The following PLCL1 variants were observed in gnomAD, a reference collection of about 807,000 sequenced individuals.
PLCL1 encodes the protein inactive phospholipase C-like protein 1.
A neutral mutation model predicts 84.4 loss-of-function variants in PLCL1; 41 were observed. The ratio of observed to expected loss-of-function variants is 0.49; its 90% CI spans 0.38 to 0.63. PLCL1 has a LOEUF of 0.63. Among genes scored for constraint, PLCL1 ranks in the 30% least tolerant of loss-of-function variants. The probability of loss-of-function intolerance (pLI) is 0.00; values close to 1 mark genes in which losing one functional copy is unlikely to be tolerated. For missense variants in PLCL1, 1,206 were observed against 1,367.8 expected, an observed-to-expected ratio of 0.88 and a Z score of 1.87; for synonymous variants, 490 against 488.3, an observed-to-expected ratio of 1.00 and a Z score of -0.05.
At chr2:198,132,889 A>G (rs1427947439) in intron 5 of PLCL1, among the ~76,000 whole-genome samples, 1 of 151,874 alleles carries the variant, frequency 6.6e-6, no homozygotes, top group Non-Finnish European at 1.5e-5. Flanking sequence ...TGTTTTGGAC[A>G]TGAAGTCCTT....
At chr2:198,077,962 C>T (rs1559095394) in intron 1 of PLCL1, among the ~76,000 whole-genome samples, 1 of 152,088 alleles carries the variant, frequency 6.6e-6, no homozygotes, top group Non-Finnish European at 1.5e-5. Context: ...AGGAACCTAC[C>T]TAATCCCTTC....
intron 5 of PLCL1, among the ~76,000 whole-genome samples, chr2:198,106,586 G>T (rs932060437): frequency 6.6e-6 from 1 of 151,848 alleles, no homozygotes; most frequent in Non-Finnish European, 1.5e-5. Flanking sequence ...TTTTATATGG[G>T]CTTGTTAATG....
intron 5 of PLCL1, among the ~76,000 whole-genome samples, chr2:198,137,729 T>C (rs936097399): frequency 3.9e-5 from 6 of 152,228 alleles, no homozygotes; most frequent in Non-Finnish European, 7.3e-5. Context: ...TCTAATCTCC[T>C]AGTCCTCACA....
intron 1 of PLCL1, among the ~76,000 whole-genome samples, chr2:198,000,810 A>G (rs1690582570): frequency 6.6e-6 from 1 of 151,508 alleles, no homozygotes; most frequent in Non-Finnish European, 1.5e-5. Flanking sequence ...TAAGGTCCAT[A>G]TTTCTGAGTT....
At chr2:198,069,200 A>G (rs1326639494) in intron 1 of PLCL1, among the ~76,000 whole-genome samples, 2 of 150,860 alleles carry the variant, frequency 1.3e-5, no homozygotes, top group African/African-American at 2.4e-5. Flanking sequence ...ACACAAGGAT[A>G]TGCACCAGAG....
In PLCL1 at chr2:197,821,730, C is replaced by T. The variant is rs914989240; in HGVS notation, c.240+16391C>T. On this transcript the variant is annotated intron_variant, in intron 1 of 5. Coordinates refer to ENST00000428675, the MANE Select transcript of PLCL1 (RefSeq NM_006226.4). Reference sequence around the variant, plus strand: ...GGCCCAGTGGTCATATGGCCATACCCAGCTGCAAAGAAGGCTGGAAAATGT... The same window carrying T: ...GGCCCAGTGGTCATATGGCCATACCTAGCTGCAAAGAAGGCTGGAAAATGT... Among the ~76,000 whole-genome samples the T allele has an allele frequency of 2.0e-5, 3 of 152,134 alleles. 1 individual carries two copies. Among genetic ancestry groups the T allele is most frequent in the Admixed American group, 2.0e-4 (3 of 15,264 alleles).
chr2:197,982,379 G>A (rs886569630), intron 1 of PLCL1, among the ~76,000 whole-genome samples: 9 of 152,040 alleles, frequency 5.9e-5, no homozygotes, highest in Admixed American at 3.3e-4. Flanking sequence ...ATCTCAGAGG[G>A]CTAGTTAGGA....
At chr2:197,999,515 G>A (rs1690549945) in intron 1 of PLCL1, among the ~76,000 whole-genome samples, 1 of 152,148 alleles carries the variant, frequency 6.6e-6, no homozygotes, top group South Asian at 2.1e-4. Flanking sequence ...CTTGTTTAGT[G>A]ATATTCATAC....
intron 1 of PLCL1, among the ~76,000 whole-genome samples, chr2:198,002,462 T>A (rs1481598928): frequency 6.6e-6 from 1 of 152,244 alleles, no homozygotes; most frequent in Non-Finnish European, 1.5e-5. Flanking sequence ...TAATATTTTT[T>A]AACATCTGTA....
chr2:197,879,121 C>T (rs1335206809), intron 1 of PLCL1, among the ~76,000 whole-genome samples: 1 of 152,156 alleles, frequency 6.6e-6, no homozygotes, highest in African/African-American at 2.4e-5. Context: ...AGTTATTTAC[C>T]TGCTTGACTG....
chr2:198,136,367 C>A (rs978966320), intron 5 of PLCL1, among the ~76,000 whole-genome samples: 3 of 152,220 alleles, frequency 2.0e-5, no homozygotes, highest in Admixed American at 2.0e-4. Context: ...ACCCAGTGAT[C>A]TTGCCCAAGG....
chr2:198,028,500 T>C (rs781493419), intron 1 of PLCL1, among the ~76,000 whole-genome samples: 1 of 152,214 alleles, frequency 6.6e-6, no homozygotes, highest in Non-Finnish European at 1.5e-5. Flanking sequence ...GCTTTCAACT[T>C]AGCAGAGAGA....
chr2:198,102,390 G>C (rs1401534416), intron 4 of PLCL1, among the ~76,000 whole-genome samples: 2 of 152,032 alleles, frequency 1.3e-5, no homozygotes, highest in African/African-American at 4.8e-5. Context: ...CTAGTAAGTG[G>C]TAGAGCTGGG....
Position 198,101,374 on chromosome 2 carries a change from A to ATT in PLCL1, c.2995+22_2995+23dup. 2 of 1,399,400 alleles carry ATT rather than the reference A, an allele frequency of 1.4e-6. No individual in the cohort carries two copies. The highest frequency in any genetic ancestry group is 1.3e-5 in the South Asian group (1 of 76,746). The allele number at this position is 1,399,400 out of a possible 1,614,324, so 86.7% of individuals were successfully genotyped here. The stretch of plus-strand genomic sequence containing the variant: ...GTCAGAAAGCAGGTAATTGTTTTTA[A>ATT]TTTTTTTTTCTGTTTTTTTTTTCTA... On this transcript the variant is annotated intron_variant, in intron 4 of 5. Coordinates refer to ENST00000428675, the MANE Select transcript of PLCL1 (RefSeq NM_006226.4).
At chr2:198,146,663 C>A in intron 5 of PLCL1, 117 bp from the exon 6 acceptor site, 1 of 749,568 alleles carries the variant, frequency 1.3e-6, no homozygotes, top group Non-Finnish European at 2.0e-6. Context: ...AGTGAGCTTG[C>A]AGGTCTGGGT....
chr2:197,860,081 G>A (rs1050434508), intron 1 of PLCL1, among the ~76,000 whole-genome samples: 8 of 152,070 alleles, frequency 5.3e-5, no homozygotes, highest in Non-Finnish European at 2.9e-5. Flanking sequence ...ATGTGTCCAT[G>A]TGTTCTCATC....
At chr2:197,919,710 T>C (rs1378701077) in intron 1 of PLCL1, among the ~76,000 whole-genome samples, 1 of 152,202 alleles carries the variant, frequency 6.6e-6, no homozygotes, top group East Asian at 1.9e-4. Flanking sequence ...GTACAAGGTT[T>C]GCTACATTTC....
At chr2:197,833,155 A>T (rs559886615) in intron 1 of PLCL1, among the ~76,000 whole-genome samples, 1 of 152,312 alleles carries the variant, frequency 6.6e-6, no homozygotes, top group South Asian at 2.1e-4. Context: ...AAAAACTCTC[A>T]ATAAGGTAGG....
intron 1 of PLCL1, among the ~76,000 whole-genome samples, chr2:198,075,968 A>G (rs1399496950): frequency 2.0e-5 from 3 of 152,220 alleles, no homozygotes; most frequent in African/African-American, 4.8e-5. Context: ...GGATGTGTAT[A>G]ATAAGAATCA....
Sources: gnomAD v4.1 joint callset for allele counts (sites outside exome capture counted in the v4.1 genomes callset) on GRCh38, gnomAD v4.1.1 for gene constraint, MANE v1.5 for transcripts, NCBI Gene and HGNC (gene_info 2026-07-23, HGNC 2026-07-21) for gene names.